Variants in TAFA5 observed in about 807,000 individuals in gnomAD.
TAFA5 encodes chemokine-like protein TAFA-5.
A neutral mutation model predicts 15.3 loss-of-function variants in TAFA5; 6 were observed. The observed-to-expected ratio is 0.39, with a 90% CI of 0.21 to 0.77. The LOEUF (loss-of-function observed/expected upper bound fraction) is 0.77, where lower values mean the gene tolerates loss of function less well. Among genes scored for constraint, TAFA5 ranks in the 30% least tolerant of loss-of-function variants. The pLI is 0.41. For synonymous variants in TAFA5, 103 were observed against 80.7 expected (o/e 1.28, Z -1.48); for missense variants, 161 against 193.1 (o/e 0.83, Z 0.98).
intron 3 of TAFA5, among the ~76,000 whole-genome samples, chr22:48,727,273 T>TG (rs1333718202): frequency 2.0e-5 from 3 of 152,162 alleles, no homozygotes; most frequent in Non-Finnish European, 4.4e-5. Flanking sequence ...CTGTATATTA[T>TG]GAAAAACAAT....
At chr22:48,691,156 C>CCAT (rs1569080984) in intron 2 of TAFA5, among the ~76,000 whole-genome samples, 1 of 152,082 alleles carries the variant, frequency 6.6e-6, no homozygotes, top group Non-Finnish European at 1.5e-5. Flanking sequence ...GGCCCGGGGA[C>CCAT]CATTGGTGGT....
At chr22:48,702,855 G>C (rs1022650797) in intron 2 of TAFA5, among the ~76,000 whole-genome samples, 2 of 152,262 alleles carry the variant, frequency 1.3e-5, no homozygotes, top group African/African-American at 4.8e-5. Flanking sequence ...TCTCCAGCAG[G>C]AAGTGGGCTG....
At chr22:48,531,371 A>G (rs1921966064) in intron 1 of TAFA5, among the ~76,000 whole-genome samples, 1 of 152,054 alleles carries the variant, frequency 6.6e-6, no homozygotes, top group Non-Finnish European at 1.5e-5. Context: ...CCCTTCCTGG[A>G]GCGGACAGTG....
At chr22:48,719,324 G>A (rs1319267479) in intron 3 of TAFA5, among the ~76,000 whole-genome samples, 2 of 152,228 alleles carry the variant, frequency 1.3e-5, no homozygotes, top group East Asian at 3.9e-4. Context: ...CAGCAGCTCA[G>A]CCCTGGCTGC....
chr22:48,659,105 G>A (rs1352510198), intron 2 of TAFA5, among the ~76,000 whole-genome samples: 1 of 152,230 alleles, frequency 6.6e-6, no homozygotes, highest in Non-Finnish European at 1.5e-5. Flanking sequence ...TCTGGACCCC[G>A]CGGCGGAGGA....
At position 48,539,896 on chromosome 22, in the gene TAFA5, G is replaced by C. The variant is rs12484860; in HGVS notation, c.112+50192G>C. ...CCGCCACCAGTGCTGAAGGGGGCAG[G>C]GGTACAGGCAGAAGGTGGGAGGGGA... On this transcript the variant is annotated intron_variant, in intron 1 of 3. Coordinates refer to ENST00000402357, the MANE Select transcript of TAFA5 (RefSeq NM_001082967.3). Among the ~76,000 whole-genome samples, 8 of 149,442 alleles carry C rather than the reference G, an allele frequency of 5.4e-5. No homozygotes were observed. In the East Asian group the frequency reaches 5.8e-4, roughly 11 times the overall value.
At chr22:48,606,856 G>A (rs917358207) in intron 1 of TAFA5, among the ~76,000 whole-genome samples, 6 of 152,246 alleles carry the variant, frequency 3.9e-5, no homozygotes, top group African/African-American at 1.4e-4. Context: ...GGGGTTCTGA[G>A]CCAGGCCCTT....
rs1312179581 is a variant in TAFA5 at position 48,646,586 on chromosome 22, C to G, written c.113-11C>G. The stretch of plus-strand genomic sequence containing the variant: ...GTGTGGCCGCTCAGTCGCTTCTGCT[C>G]CTCTCTGCAGGTCAGCTGGCCGCCG... On this transcript the variant is annotated splice_polypyrimidine_tract_variant and intron_variant, in intron 1 of 3. Transcript: ENST00000402357. 1.2e-6 allele frequency: 2 copies of G among 1,611,948 alleles called. No individual in the cohort carries two copies. Among genetic ancestry groups the G allele is most frequent in the Non-Finnish European group, 1.7e-6 (2 of 1,179,528 alleles).
chr22:48,707,971 A>T, intron 3 of TAFA5, 127 bp downstream of exon 3: 1 of 1,287,796 alleles, frequency 7.8e-7, no homozygotes, highest in Admixed American at 2.1e-5. Flanking sequence ...CAGAGAGGCC[A>T]GGGCCCTGTC....
At chr22:48,515,764 G>A (rs971361052) in intron 1 of TAFA5, among the ~76,000 whole-genome samples, 5 of 152,190 alleles carry the variant, frequency 3.3e-5, no homozygotes, top group Admixed American at 6.5e-5. Flanking sequence ...GGGACAGTGC[G>A]GGGACTTGGG....
At chr22:48,651,928 C>T (rs1009904993) in intron 2 of TAFA5, among the ~76,000 whole-genome samples, 8 of 152,188 alleles carry the variant, frequency 5.3e-5, no homozygotes, top group Admixed American at 3.9e-4. Context: ...GGACCCTGGG[C>T]TGTGGGTCCT....
intron 2 of TAFA5, among the ~76,000 whole-genome samples, chr22:48,670,853 A>T (rs1200194785): frequency 2.6e-5 from 4 of 152,102 alleles, no homozygotes; most frequent in Non-Finnish European, 2.9e-5. Context: ...GCCTCTGGTG[A>T]CTCTCTGTAC....
At chr22:48,684,490 C>T (rs1030330494) in intron 2 of TAFA5, among the ~76,000 whole-genome samples, 5 of 152,138 alleles carry the variant, frequency 3.3e-5, no homozygotes, top group African/African-American at 9.7e-5. Context: ...TGACCCTTCC[C>T]GTTCACGAGG....
chr22:48,512,202 A>G (rs1921239620), intron 1 of TAFA5, among the ~76,000 whole-genome samples: 1 of 152,160 alleles, frequency 6.6e-6, no homozygotes, highest in Non-Finnish European at 1.5e-5. Context: ...GAGGTGGAGG[A>G]GATGCCCTGC....
In TAFA5 at chr22:48,550,110, G is replaced by A. The variant is rs1922807589; in HGVS notation, c.112+60406G>A. On this transcript the variant is annotated intron_variant, in intron 1 of 3. Transcript: ENST00000402357. The surrounding 1 kb of genome is among the most constrained non-coding windows in gnomAD (Gnocchi z 4.1). ...AAAGCTGGCCTGTATCAGAAGCTGG[G>A]AACTTTGGGGTATGCTGGGCATGGG... Among the ~76,000 whole-genome samples the A allele has an allele frequency of 6.6e-6, 1 of 152,206 alleles. No homozygotes were observed. The highest frequency in any genetic ancestry group is 2.1e-4 in the South Asian group (1 of 4,830).
At chr22:48,634,165 A>C (rs371391868) in intron 1 of TAFA5, among the ~76,000 whole-genome samples, 1 of 146,138 alleles carries the variant, frequency 6.8e-6, no homozygotes, top group Non-Finnish European at 1.5e-5. Context: ...CACTTATTCA[A>C]TCATTTACTC....
intron 3 of TAFA5, among the ~76,000 whole-genome samples, chr22:48,712,869 C>G (rs1378999454): frequency 6.6e-6 from 1 of 152,206 alleles, no homozygotes; most frequent in African/African-American, 2.4e-5. Context: ...GGAGGAGGGA[C>G]AGGCAGGGCT....
At chr22:48,648,926 G>A (rs1926960154) in intron 2 of TAFA5, among the ~76,000 whole-genome samples, 1 of 152,204 alleles carries the variant, frequency 6.6e-6, no homozygotes, top group Non-Finnish European at 1.5e-5. Context: ...CCCCTCTAGG[G>A]GTTCTCAGCA....
chr22:48,663,326 G>A (rs1927509016), intron 2 of TAFA5, among the ~76,000 whole-genome samples: 1 of 144,404 alleles, frequency 6.9e-6, no homozygotes, highest in Non-Finnish European at 1.5e-5. Flanking sequence ...CCACATTGGG[G>A]TTAAGTGGCC....
Sources: gnomAD v4.1 joint callset for allele counts (sites outside exome capture counted in the v4.1 genomes callset) on GRCh38, gnomAD v4.1.1 for gene constraint, Gnocchi (gnomAD v3.1) non-coding constraint, MANE v1.5 for transcripts, NCBI Gene and HGNC (gene_info 2026-07-23, HGNC 2026-07-21) for gene names.